Variants in RNFT2 observed in about 807,000 individuals in gnomAD.
RNFT2 encodes the protein E3 ubiquitin-protein ligase RNFT2.
RNFT2 carries 36 observed loss-of-function variants against 53.0 expected under a neutral mutation model. That is an observed-to-expected ratio of 0.68 (90% CI 0.52 to 0.90). RNFT2 has a LOEUF of 0.90. Among genes scored for constraint, RNFT2 ranks in the 40% least tolerant of loss-of-function variants. The pLI, the probability that RNFT2 is intolerant of heterozygous loss-of-function variation, is 0.00. For synonymous variants in RNFT2, 260 were observed against 253.2 expected (o/e 1.03, Z -0.26); for missense variants, 514 against 585.6 (o/e 0.88, Z 1.26).
intron 3 of RNFT2, among the ~76,000 whole-genome samples, chr12:116,747,518 C>T (rs1871954687): frequency 6.6e-6 from 1 of 152,060 alleles, no homozygotes; most frequent in South Asian, 2.1e-4. Flanking sequence ...CAGAGTGAGA[C>T]CCCCGTCTCA....
intron 7 of RNFT2, among the ~76,000 whole-genome samples, chr12:116,802,964 A>G (rs903434204): frequency 6.6e-6 from 1 of 151,954 alleles, no homozygotes; most frequent in Non-Finnish European, 1.5e-5. Flanking sequence ...GCACGGTAGC[A>G]TATGCATATA....
At chr12:116,763,067 A>G (rs1872753647) in intron 5 of RNFT2, among the ~76,000 whole-genome samples, 1 of 152,054 alleles carries the variant, frequency 6.6e-6, no homozygotes, top group African/African-American at 2.4e-5. Context: ...GGGCAACAGA[A>G]CAAGACCTTC....
chr12:116,778,289 TG>T (rs1165202352), intron 6 of RNFT2, among the ~76,000 whole-genome samples: 1 of 152,144 alleles, frequency 6.6e-6, no homozygotes, highest in East Asian at 1.9e-4. Context: ...AGAAGGTGTT[TG>T]GGTCATGGGT....
At chr12:116,788,218 C>T (rs1874026215) in intron 7 of RNFT2, among the ~76,000 whole-genome samples, 2 of 152,222 alleles carry the variant, frequency 1.3e-5, no homozygotes, top group African/African-American at 4.8e-5. Context: ...TGAGCCACTG[C>T]GCCCAGCCTC....
intron 7 of RNFT2, among the ~76,000 whole-genome samples, chr12:116,790,384 C>A (rs1480967188): frequency 6.6e-6 from 1 of 152,120 alleles, no homozygotes; most frequent in Non-Finnish European, 1.5e-5. Flanking sequence ...GAGTTTATAT[C>A]CTCTTAAAGA....
intron 7 of RNFT2, among the ~76,000 whole-genome samples, chr12:116,825,930 A>G (rs1037561417): frequency 6.6e-6 from 1 of 152,148 alleles, no homozygotes; most frequent in Non-Finnish European, 1.5e-5. Context: ...AAATGTGTAT[A>G]AAAGAGATTC....
At chr12:116,832,144 AAAAAATAT>A (rs1380621501) in intron 7 of RNFT2, among the ~76,000 whole-genome samples, 12 of 52,278 alleles carry the variant, frequency 2.3e-4, no homozygotes, top group African/African-American at 7.1e-4. Context: ...AAAAAAAAAA[AAAAAATAT>A]ATATATATAT....
chr12:116,750,137 T>A lies in RNFT2; in HGVS notation c.380T>A (p.Leu127Gln), dbSNP rs756707098. The stretch of plus-strand genomic sequence containing the variant: ...GGCGGCCACCGCGGGGGCTCCCTGC[T>A]GCAGCACGTGGGTGGGGACCACCGG... ...HHGGHRGGSL[L>Q]QHVGGDHRGH... Residue 127 changes from leucine (L) to glutamine (Q), a missense_variant, in exon 4 of 11, where the codon CTG (leucine) becomes CAG (glutamine). Leu to Gln is a moderately radical substitution (Grantham distance 113, BLOSUM62 -2). Around this residue, in one of 3 missense-constraint regions of RNFT2, gnomAD observed 237 missense variants for 235.1 expected, o/e 1.01. Transcript: ENST00000257575. The A allele has an allele frequency of 2.5e-6, 4 of 1,582,192 alleles. No homozygotes were observed. In the South Asian group the frequency reaches 4.5e-5, roughly 18 times the overall value.
chr12:116,843,044 TG>T (rs1565876633), intron 10 of RNFT2, among the ~76,000 whole-genome samples: 2 of 152,084 alleles, frequency 1.3e-5, no homozygotes, highest in Admixed American at 1.3e-4. Context: ...TCTCTCACAT[TG>T]GGGCTGGCTC....
chr12:116,801,807 TG>T (rs968520976), intron 7 of RNFT2, among the ~76,000 whole-genome samples: 131 of 103,018 alleles, frequency 1.3e-3, no homozygotes, highest in African/African-American at 0.011. Context: ...GGGTTTTTTT[TG>T]TTTGTTTGTT....
intron 7 of RNFT2, among the ~76,000 whole-genome samples, chr12:116,790,067 A>G (rs1014780601): frequency 6.6e-6 from 1 of 152,178 alleles, no homozygotes; most frequent in Admixed American, 6.5e-5. Context: ...TTTTCAGCTC[A>G]GCTCAAACCT....
chr12:116,753,148 C>CTTTTTTTTTTTTCTTT (rs1872328828), intron 4 of RNFT2, among the ~76,000 whole-genome samples: 1 of 93,702 alleles, frequency 1.1e-5, no homozygotes, highest in Non-Finnish European at 1.9e-5. Flanking sequence ...TTTTCTTTTT[C>CTTTTTTTTTTTTCTTT]TTTTTTTTTT....
intron 10 of RNFT2, among the ~76,000 whole-genome samples, chr12:116,840,211 C>T (rs897124805): frequency 1.3e-5 from 2 of 152,158 alleles, no homozygotes; most frequent in Admixed American, 6.5e-5. Context: ...AATGGTGACT[C>T]CTGTTGATTT....
At chr12:116,779,827 G>T (rs933355883) in intron 7 of RNFT2, among the ~76,000 whole-genome samples, 2 of 152,156 alleles carry the variant, frequency 1.3e-5, no homozygotes, top group Non-Finnish European at 2.9e-5. Flanking sequence ...TGAGGGCAAT[G>T]ATGCTTTGCA....
chr12:116,834,553 C>A (rs571954286), intron 8 of RNFT2, among the ~76,000 whole-genome samples: 1 of 152,282 alleles, frequency 6.6e-6, no homozygotes, highest in South Asian at 2.1e-4. Context: ...GCAGTCACTC[C>A]CCATTCTTCC....
At chr12:116,833,580 C>A (rs1287926756) in intron 7 of RNFT2, among the ~76,000 whole-genome samples, 1 of 152,182 alleles carries the variant, frequency 6.6e-6, no homozygotes, top group African/African-American at 2.4e-5. Flanking sequence ...GTCTTCTGGG[C>A]TGCTGGGTGG....
intron 7 of RNFT2, among the ~76,000 whole-genome samples, chr12:116,787,867 C>T (rs963526729): frequency 1.3e-5 from 2 of 152,148 alleles, no homozygotes; most frequent in African/African-American, 4.8e-5. Flanking sequence ...CTCTTTCACT[C>T]CCTTACTCTT....
chr12:116,835,889 G>A (rs1876934365), intron 8 of RNFT2, 71 bp from the exon 9 acceptor site: 1 of 1,529,314 alleles, frequency 6.5e-7, no homozygotes, highest in Non-Finnish European at 9.1e-7. Flanking sequence ...AGAGGATGGG[G>A]TGGGGTGATT....
chr12:116,842,781 C>A (rs989598819), intron 10 of RNFT2, among the ~76,000 whole-genome samples: 7 of 152,130 alleles, frequency 4.6e-5, no homozygotes, highest in Non-Finnish European at 7.4e-5. Flanking sequence ...GCCATGTTAG[C>A]CAGGCTAGTC....
Sources: allele counts gnomAD v4.1 joint callset (sites outside exome capture counted in the v4.1 genomes callset), GRCh38; gene constraint gnomAD v4.1.1; regional missense constraint gnomAD v4.1.1; transcripts MANE v1.5; gene names NCBI Gene and HGNC (gene_info 2026-07-23, HGNC 2026-07-21).